The following RYR3 variants were observed in gnomAD, a reference collection of about 807,000 sequenced individuals.
RYR3 encodes the protein ryanodine receptor 3.
A neutral mutation model predicts 584.3 loss-of-function variants in RYR3; 207 were observed. The observed-to-expected ratio is 0.35, with a 90% confidence interval of 0.32 to 0.40. RYR3 has a LOEUF of 0.40. Ranked by LOEUF, RYR3 falls within the 10% of genes least tolerant of loss-of-function variation. The pLI is 1.00. For synonymous variants in RYR3, 2,416 were observed against 2,248.5 expected (o/e 1.07, Z -2.11); for missense variants, 5,616 against 6,089.2 (o/e 0.92, Z 2.59).
chr15:33,522,514 G>C (rs2054077987), intron 3 of RYR3, among the ~76,000 whole-genome samples: 1 of 152,156 alleles, frequency 6.6e-6, no homozygotes, highest in Non-Finnish European at 1.5e-5. Context: ...ACCCCATTAT[G>C]AGTTGAAAAT....
intron 2 of RYR3, among the ~76,000 whole-genome samples, chr15:33,481,607 A>C (rs1413117640): frequency 6.6e-6 from 1 of 152,040 alleles, no homozygotes; most frequent in East Asian, 1.9e-4. Flanking sequence ...CAGTCTCCCA[A>C]GTAGCTGGGA....
At position 33,729,044 on chromosome 15, in the gene RYR3, C is replaced by CA. The variant is rs1307759844; in HGVS notation, c.7203+24dup. 1.2e-6 allele frequency: 2 copies of CA among 1,603,038 alleles called. No individual in the cohort carries two copies. The highest frequency in any genetic ancestry group is 1.7e-6 in the Non-Finnish European group (2 of 1,174,930). ...TAGATACAGTAAGTTGCAAAAATAA[C>CA]AAAAAATTATTGTTCCCATCATTGT... On this transcript the variant is annotated intron_variant, in intron 47 of 103. Coordinates refer to ENST00000634891, the MANE Select transcript of RYR3 (RefSeq NM_001036.6).
At chr15:33,523,945 C>T (rs1172320122) in intron 3 of RYR3, among the ~76,000 whole-genome samples, 2 of 152,134 alleles carry the variant, frequency 1.3e-5, no homozygotes, top group Non-Finnish European at 2.9e-5. Context: ...GTCTTAAAAG[C>T]AATGATGCTA....
intron 3 of RYR3, among the ~76,000 whole-genome samples, chr15:33,521,338 C>T (rs556560257): frequency 6.6e-6 from 1 of 152,124 alleles, no homozygotes; most frequent in Non-Finnish European, 1.5e-5. Flanking sequence ...TAGGCTCTGG[C>T]CTTTCATCCT....
chr15:33,492,196 A>G (rs2051020275), intron 2 of RYR3, among the ~76,000 whole-genome samples: 1 of 152,148 alleles, frequency 6.6e-6, no homozygotes, highest in African/African-American at 2.4e-5. Context: ...GTGGGGATGT[A>G]TAGTACAAAT....
chr15:33,652,664 G>C, intron 31 of RYR3, 54 bp from the exon 32 acceptor site: 1 of 1,566,598 alleles, frequency 6.4e-7, no homozygotes. Context: ...CCTGAGTCTT[G>C]ATTACAAACT....
At chr15:33,829,891 T>C (rs527621153) in intron 85 of RYR3, among the ~76,000 whole-genome samples, 2 of 152,216 alleles carry the variant, frequency 1.3e-5, no homozygotes, top group African/African-American at 2.4e-5. Context: ...TGCAGACGTG[T>C]TGGAAATAGC....
chr15:33,658,530 G>A (rs927315164), intron 32 of RYR3, among the ~76,000 whole-genome samples: 6 of 152,224 alleles, frequency 3.9e-5, no homozygotes, highest in Non-Finnish European at 5.9e-5. Flanking sequence ...ATGACCCATT[G>A]GGGTCACCTT....
chr15:33,420,974 T>C (rs1443699215), intron 1 of RYR3, among the ~76,000 whole-genome samples: 1 of 152,098 alleles, frequency 6.6e-6, no homozygotes, highest in Non-Finnish European at 1.5e-5. Context: ...TAAATTTTTC[T>C]TGGGGGTCTT....
chr15:33,509,070 G>C (rs2052736396), intron 3 of RYR3, among the ~76,000 whole-genome samples: 1 of 152,180 alleles, frequency 6.6e-6, no homozygotes, highest in South Asian at 2.1e-4. Flanking sequence ...GCCAGGTTCA[G>C]GACATTCATT....
At chr15:33,816,459 A>G (rs2076817357) in intron 74 of RYR3, among the ~76,000 whole-genome samples, 1 of 152,222 alleles carries the variant, frequency 6.6e-6, no homozygotes, top group Admixed American at 6.5e-5. Context: ...GATCATCGGT[A>G]TGACTTAGAT....
intron 1 of RYR3, among the ~76,000 whole-genome samples, chr15:33,353,599 C>G (rs1973567488): frequency 6.6e-6 from 1 of 152,166 alleles, no homozygotes; most frequent in Non-Finnish European, 1.5e-5. Context: ...CCTAGAAACC[C>G]CATCTGGAAT....
At chr15:33,599,488 A>G (rs2059557611) in intron 16 of RYR3, among the ~76,000 whole-genome samples, 1 of 152,190 alleles carries the variant, frequency 6.6e-6, no homozygotes, top group Admixed American at 6.5e-5. Context: ...CTTGAAGCCA[A>G]AACAGGAAGA....
chr15:33,445,664 A>ACACACACACACAC (rs2046582595), intron 1 of RYR3, among the ~76,000 whole-genome samples: 3 of 106,006 alleles, frequency 2.8e-5, no homozygotes, highest in African/African-American at 7.5e-5. Context: ...TTCCCCCACC[A>ACACACACACACAC]ACACACACAC....
At chr15:33,510,227 A>G (rs974425218) in intron 3 of RYR3, among the ~76,000 whole-genome samples, 3 of 152,192 alleles carry the variant, frequency 2.0e-5, no homozygotes, top group African/African-American at 7.2e-5. Flanking sequence ...TAATGCCACC[A>G]ACTGGAAATT....
At position 33,731,706 on chromosome 15, in the gene RYR3, T is replaced by TCCTA; in HGVS notation, c.7424+13_7424+16dup. 1 of 1,545,498 alleles carries TCCTA rather than the reference T, an allele frequency of 6.5e-7. No individual in the cohort carries two copies. The highest frequency in any genetic ancestry group is 8.9e-7 in the Non-Finnish European group (1 of 1,120,036). ...CTTGCCATTTGCAAGTAAGTACATATCCTATGTTGTTACTTCTGTGTATGC... is the reference window on the plus strand; with the variant it reads ...CTTGCCATTTGCAAGTAAGTACATATCCTACCTATGTTGTTACTTCTGTGTATGC... On this transcript the variant is annotated intron_variant, in intron 48 of 103. Transcript: ENST00000634891.
chr15:33,606,539 C>T (rs750633863), intron 18 of RYR3, among the ~76,000 whole-genome samples: 3 of 152,156 alleles, frequency 2.0e-5, no homozygotes, highest in Non-Finnish European at 4.4e-5. Flanking sequence ...GCCTTTTTAG[C>T]CATGGAAGCC....
rs550183850 is a variant in RYR3 at position 33,498,976 on chromosome 15, G to A, written c.172-4655G>A. Among the ~76,000 whole-genome samples the A allele has an allele frequency of 5.9e-5, 9 of 152,110 alleles. No individual in the cohort carries two copies. In the South Asian group the frequency reaches 1.2e-3, roughly 21 times the overall value. ...TTCTTAATGCCTTTGTCAAAAATCCGTTTAGCCTTCTTAACACTGGACCTG... is the reference window on the plus strand; with the variant it reads ...TTCTTAATGCCTTTGTCAAAAATCCATTTAGCCTTCTTAACACTGGACCTG... On this transcript the variant is annotated intron_variant, in intron 2 of 103. Transcript: ENST00000634891.
chr15:33,469,619 G>C (rs887229305), intron 1 of RYR3, among the ~76,000 whole-genome samples: 1 of 151,914 alleles, frequency 6.6e-6, no homozygotes, highest in Non-Finnish European at 1.5e-5. Context: ...AATATAAAAG[G>C]ATAGGTAGAC....
Sources: gnomAD v4.1 joint callset for allele counts (sites outside exome capture counted in the v4.1 genomes callset) on GRCh38, gnomAD v4.1.1 for gene constraint, MANE v1.5 for transcripts, NCBI Gene and HGNC (gene_info 2026-07-23, HGNC 2026-07-21) for gene names.